The following ANKRD11 variants were observed in gnomAD, a reference collection of about 807,000 sequenced individuals.
ANKRD11 encodes the protein ankyrin repeat domain-containing protein 11.
A neutral mutation model predicts 195.7 loss-of-function variants in ANKRD11; 17 were observed. The observed-to-expected ratio is 0.09, with a 90% CI of 0.06 to 0.13. The LOEUF is 0.13. Ranked by LOEUF, ANKRD11 falls within the 10% of genes least tolerant of loss-of-function variation. The pLI, the probability that ANKRD11 is intolerant of heterozygous loss-of-function variation, is 1.00. For missense variants in ANKRD11, 3,735 were observed against 3,566.1 expected, an observed-to-expected ratio of 1.05 and a Z score of -1.21; for synonymous variants, 1,953 against 1,528.1, an observed-to-expected ratio of 1.28 and a Z score of -6.49.
At chr16:89,465,741 C>T (rs981323003) in intron 1 of ANKRD11, among the ~76,000 whole-genome samples, 1 of 152,160 alleles carries the variant, frequency 6.6e-6, no homozygotes, top group African/African-American at 2.4e-5. Flanking sequence ...GTCGGAGTCT[C>T]GCTCTGTCGC....
chr16:89,457,149 C>T (rs1029615931), intron 1 of ANKRD11, among the ~76,000 whole-genome samples: 18 of 150,278 alleles, frequency 1.2e-4, no homozygotes, highest in Middle Eastern at 3.4e-3. Flanking sequence ...TTAGTAGAGA[C>T]GGGGTTTCAC....
intron 9 of ANKRD11, among the ~76,000 whole-genome samples, chr16:89,277,010 C>A (rs1216116361): frequency 6.6e-6 from 1 of 150,652 alleles, no homozygotes; most frequent in Non-Finnish European, 1.5e-5. Context: ...GAGCCGACAT[C>A]ACGCCACTGC....
rs574631245 is a variant in ANKRD11, at chr16:89,279,892, A to G, written c.6650T>C (p.Leu2217Pro). 6.2e-6 allele frequency: 10 copies of G among 1,604,306 alleles called. No homozygotes were observed. The South Asian group carries it at 8.9e-5, about 14-fold the overall frequency. The change falls in exon 9 of 13, where the codon CTA becomes CCA. Residue 2217 changes from leucine (L) to proline (P), a missense_variant. Transcript: ENST00000301030. This position sits in a 1 kb window ranked among gnomAD's most constrained non-coding sequence, Gnocchi z 5.6. ...CGTCTCCGCCTCCACCGCAGCTTCT[A>G]GAGCCACGTCCAGCTTTGGCTCCCC... ...PSGEPKLDVA[L>P]EAAVEAETVP... is the part of the protein sequence containing the mutation.
intron 2 of ANKRD11, among the ~76,000 whole-genome samples, chr16:89,394,599 G>A (rs924556430): frequency 1.3e-5 from 2 of 150,624 alleles, no homozygotes; most frequent in African/African-American, 4.9e-5. Context: ...CTGCACTCCA[G>A]CCTGGGCGAC....
chr16:89,397,159 C>T (rs951681661), intron 2 of ANKRD11, among the ~76,000 whole-genome samples: 1 of 152,134 alleles, frequency 6.6e-6, no homozygotes, highest in East Asian at 1.9e-4. Context: ...ACCCACAGAG[C>T]CAGAGCTCCT....
chr16:89,481,401 C>T (rs2057440793), intron 1 of ANKRD11, among the ~76,000 whole-genome samples: 1 of 152,140 alleles, frequency 6.6e-6, no homozygotes, highest in Admixed American at 6.6e-5. Context: ...AACCCCATTT[C>T]TACAAAGAAT....
At chr16:89,440,710 C>T (rs565361221) in intron 1 of ANKRD11, among the ~76,000 whole-genome samples, 3 of 152,302 alleles carry the variant, frequency 2.0e-5, no homozygotes, top group Admixed American at 6.5e-5. Context: ...CTCACAGCAA[C>T]GTGGGCAGAG....
At position 89,301,633 on chromosome 16, in the gene ANKRD11, C is replaced by T. The variant is rs116796127; in HGVS notation, c.226+3573G>A. ...GGTCCTAGGACGGGCTCTTGCCCAG[C>T]GCTCTGGAAGACACAGAGGTGATGC... On this transcript the variant is annotated intron_variant, in intron 4 of 12. Transcript: ENST00000301030. 1,058 of 398,686 alleles carry T rather than the reference C, an allele frequency of 2.7e-3. 6 individuals carry two copies. Among genetic ancestry groups the T allele is most frequent in the African/African-American group, 0.019 (949 of 48,746 alleles). The allele number at this position is 398,686 out of a possible 1,614,324, so 24.7% of individuals were successfully genotyped here.
intron 2 of ANKRD11, among the ~76,000 whole-genome samples, chr16:89,327,627 A>C (rs1423499485): frequency 6.6e-6 from 1 of 152,244 alleles, no homozygotes; most frequent in Non-Finnish European, 1.5e-5. Flanking sequence ...GCATGCTACC[A>C]ATAATCCTAT....
At chr16:89,363,108 C>T (rs1400307080) in intron 2 of ANKRD11, among the ~76,000 whole-genome samples, 1 of 152,116 alleles carries the variant, frequency 6.6e-6, no homozygotes, top group African/African-American at 2.4e-5. Flanking sequence ...CGTTCAAGTG[C>T]TATTTCTTTA....
At chr16:89,334,769 C>CA (rs1485536834) in intron 2 of ANKRD11, among the ~76,000 whole-genome samples, 3 of 152,112 alleles carry the variant, frequency 2.0e-5, no homozygotes, top group African/African-American at 7.2e-5. Flanking sequence ...CCTCAAACTG[C>CA]AAAAAGCCCA....
chr16:89,320,630 C>T (rs1188160380), intron 2 of ANKRD11, among the ~76,000 whole-genome samples: 1 of 152,046 alleles, frequency 6.6e-6, no homozygotes, highest in Non-Finnish European at 1.5e-5. Flanking sequence ...GGTGGGAGTC[C>T]CCCACACGAG....
intron 7 of ANKRD11, chr16:89,286,910 G>GA: frequency 7.8e-7 from 1 of 1,289,526 alleles, no homozygotes; most frequent in South Asian, 1.2e-5. Context: ...CAAAGAATCT[G>GA]TCATAACGTT....
At chr16:89,444,450 G>T (rs563052537) in intron 1 of ANKRD11, among the ~76,000 whole-genome samples, 1 of 152,082 alleles carries the variant, frequency 6.6e-6, no homozygotes, top group East Asian at 1.9e-4. Context: ...CTTTTGCAAC[G>T]GGGCGGTCGG....
chr16:89,432,430 A>AG (rs936384792), intron 1 of ANKRD11, among the ~76,000 whole-genome samples: 23 of 152,142 alleles, frequency 1.5e-4, no homozygotes, highest in African/African-American at 5.1e-4. Context: ...CACTGTGTTG[A>AG]GGGGTGCTGT....
chr16:89,323,317 C>A, intron 2 of ANKRD11: 1 of 1,288,990 alleles, frequency 7.8e-7, no homozygotes. Context: ...TGACCCACAG[C>A]ACTGTGGCAA....
At chr16:89,354,812 A>C (rs1414255843) in intron 2 of ANKRD11, among the ~76,000 whole-genome samples, 1 of 151,388 alleles carries the variant, frequency 6.6e-6, no homozygotes, top group Non-Finnish European at 1.5e-5. Context: ...GCTTGAACCC[A>C]GGAGGCGGAG....
intron 2 of ANKRD11, among the ~76,000 whole-genome samples, chr16:89,336,868 G>T (rs916070411): frequency 6.6e-6 from 1 of 152,068 alleles, no homozygotes; most frequent in African/African-American, 2.4e-5. Context: ...GCTCACGCCT[G>T]TAATCCCAGC....
chr16:89,278,799 G>C, intron 9 of ANKRD11: 1 of 640,860 alleles, frequency 1.6e-6, no homozygotes, highest in Non-Finnish European at 2.9e-6. Context: ...CACACGAGTG[G>C]GACCGGGGTG....
Sources: allele counts gnomAD v4.1 joint callset (sites outside exome capture counted in the v4.1 genomes callset), GRCh38; gene constraint gnomAD v4.1.1; non-coding constraint Gnocchi (gnomAD v3.1); transcripts MANE v1.5; gene names NCBI Gene and HGNC (gene_info 2026-07-23, HGNC 2026-07-21).